Variants in PTPRD observed in about 807,000 individuals in gnomAD.
PTPRD encodes the protein protein tyrosine phosphatase receptor type D.
PTPRD carries 34 observed loss-of-function variants against 214.5 expected under a neutral mutation model. The ratio of observed to expected loss-of-function variants is 0.16; its 90% confidence interval spans 0.12 to 0.21. The LOEUF is 0.21. Among genes scored for constraint, PTPRD ranks in the 10% least tolerant of loss-of-function variants. The probability of loss-of-function intolerance (pLI) is 1.00; values close to 1 mark genes in which losing one functional copy is unlikely to be tolerated. For missense variants in PTPRD, 2,545 were observed against 2,398.7 expected (o/e 1.06, Z -1.27); for synonymous variants, 1,128 against 845.7 (o/e 1.33, Z -5.79).
At chr9:10,350,331 C>G (rs1488022523) in intron 2 of PTPRD, among the ~76,000 whole-genome samples, 1 of 151,980 alleles carries the variant, frequency 6.6e-6, no homozygotes, top group East Asian at 1.9e-4. Flanking sequence ...AATAGTCATT[C>G]TAAACAATTC....
At chr9:9,492,472 T>C (rs1347574012) in intron 8 of PTPRD, among the ~76,000 whole-genome samples, 1 of 152,076 alleles carries the variant, frequency 6.6e-6, no homozygotes, top group Admixed American at 6.6e-5. Flanking sequence ...AAACCAATGA[T>C]GTTTATTCCT....
chr9:9,649,628 A>G (rs1012427080), intron 7 of PTPRD, among the ~76,000 whole-genome samples: 1 of 152,246 alleles, frequency 6.6e-6, no homozygotes, highest in Non-Finnish European at 1.5e-5. Context: ...TATTTCTCAC[A>G]TCAACGATCA....
chr9:8,534,465 A>G (rs2076437426), intron 14 of PTPRD, among the ~76,000 whole-genome samples: 1 of 151,914 alleles, frequency 6.6e-6, no homozygotes, highest in East Asian at 1.9e-4. Flanking sequence ...GTCACTGGAT[A>G]TCTTACGGTT....
At chr9:10,493,414 G>A (rs2041011304) in intron 2 of PTPRD, among the ~76,000 whole-genome samples, 1 of 151,948 alleles carries the variant, frequency 6.6e-6, no homozygotes, top group Admixed American at 6.6e-5. Flanking sequence ...TAGACCAATG[G>A]AACAGAACAG....
intron 39 of PTPRD, among the ~76,000 whole-genome samples, chr9:8,367,826 C>A (rs1198005806): frequency 6.6e-6 from 1 of 152,062 alleles, no homozygotes; most frequent in African/African-American, 2.4e-5. Context: ...TTGTTGACTT[C>A]TTTCTATGTA....
intron 3 of PTPRD, among the ~76,000 whole-genome samples, chr9:10,214,997 C>T (rs376822980): frequency 6.6e-6 from 1 of 152,030 alleles, no homozygotes; most frequent in Admixed American, 6.6e-5. Context: ...ATATTTCGGA[C>T]AGGTGGAATC....
intron 3 of PTPRD, among the ~76,000 whole-genome samples, chr9:10,101,410 G>A (rs367843647): frequency 5.3e-5 from 8 of 151,776 alleles, no homozygotes; most frequent in South Asian, 2.1e-4. Flanking sequence ...CTAGGATGTA[G>A]TATCAGGTAA....
intron 9 of PTPRD, among the ~76,000 whole-genome samples, chr9:9,276,066 G>C (rs1469225518): frequency 6.6e-6 from 1 of 151,324 alleles, no homozygotes; most frequent in Non-Finnish European, 1.5e-5. Flanking sequence ...TTATAGCTCA[G>C]CTAAATGTCC....
intron 8 of PTPRD, among the ~76,000 whole-genome samples, chr9:9,507,400 T>C (rs1013766279): frequency 1.3e-5 from 2 of 151,086 alleles, no homozygotes; most frequent in Non-Finnish European, 3.0e-5. Flanking sequence ...TTGTATACAA[T>C]AAAAATGTAA....
chr9:8,906,561 A>C (rs534166703), intron 11 of PTPRD, among the ~76,000 whole-genome samples: 2 of 152,320 alleles, frequency 1.3e-5, no homozygotes, highest in South Asian at 4.1e-4. Flanking sequence ...TTAAGACATC[A>C]TCCTATACAA....
chr9:9,550,154 G>C (rs2079837784), intron 8 of PTPRD, among the ~76,000 whole-genome samples: 1 of 151,814 alleles, frequency 6.6e-6, no homozygotes, highest in African/African-American at 2.4e-5. Flanking sequence ...TAAGAGAAAA[G>C]ACTTAGGTTT....
At position 8,836,116 on chromosome 9, in the gene PTPRD, G is replaced by A. The variant is rs576525310; in HGVS notation, c.-103-102170C>T. On this transcript the variant is annotated intron_variant, in intron 11 of 45. Transcript: ENST00000381196. ...CACTTTTTATGTCCTAGAGTTTTGC[G>A]TTTTATGTGCTGCTGTATGCTCTAT... Among the ~76,000 whole-genome samples, 11 of 152,206 alleles carry A rather than the reference G, an allele frequency of 7.2e-5. No homozygotes were observed. In the South Asian group the frequency reaches 8.3e-4, roughly 11 times the overall value.
chr9:9,669,538 T>C (rs2096786374), intron 7 of PTPRD, among the ~76,000 whole-genome samples: 2 of 152,184 alleles, frequency 1.3e-5, no homozygotes, highest in African/African-American at 4.8e-5. Flanking sequence ...TTGATACTTC[T>C]TATGTGTGAG....
chr9:9,587,335 C>A (rs539554639), intron 7 of PTPRD, among the ~76,000 whole-genome samples: 2 of 152,100 alleles, frequency 1.3e-5, no homozygotes, highest in Admixed American at 1.3e-4. Flanking sequence ...ATCCTCCTAA[C>A]AACTCTAAGT....
rs557415604 is a variant in PTPRD, at chr9:8,688,368, T to C, written c.64+45412A>G. ...GATCACAAGTTCAGGAGATCGAGAC[T>C]ATCCTAGCTAACATGGTGAAACCCC... is the stretch of plus-strand genomic sequence containing the variant. On this transcript the variant is annotated intron_variant, in intron 12 of 45. Coordinates refer to ENST00000381196, the MANE Select transcript of PTPRD (RefSeq NM_002839.4). 2.6e-3 allele frequency among the ~76,000 whole-genome samples: 397 copies of C among 151,982 alleles called. 1 individual carries two copies. Among genetic ancestry groups the C allele is most frequent in the Admixed American group, 5.1e-3 (78 of 15,270 alleles).
chr9:9,473,357 T>C (rs745501488), intron 8 of PTPRD, among the ~76,000 whole-genome samples: 1 of 152,216 alleles, frequency 6.6e-6, no homozygotes, highest in Non-Finnish European at 1.5e-5. Flanking sequence ...ATATAACACA[T>C]ACTTCTAGGC....
chr9:9,098,788 T>C (rs982103723), intron 10 of PTPRD, among the ~76,000 whole-genome samples: 1 of 152,186 alleles, frequency 6.6e-6, no homozygotes, highest in Admixed American at 6.6e-5. Context: ...TCATCATTTG[T>C]ATGTAATACA....
At chr9:9,096,106 GA>G (rs1385798292) in intron 10 of PTPRD, among the ~76,000 whole-genome samples, 1 of 152,146 alleles carries the variant, frequency 6.6e-6, no homozygotes, top group East Asian at 1.9e-4. Flanking sequence ...TAGGTCAAAG[GA>G]TACAAAGTAG....
chr9:9,953,764 T>G (rs936915653), intron 4 of PTPRD, among the ~76,000 whole-genome samples: 2 of 152,096 alleles, frequency 1.3e-5, no homozygotes, highest in Non-Finnish European at 2.9e-5. Flanking sequence ...GCAGGTACCA[T>G]CTGGCAATGC....
Sources: allele counts gnomAD v4.1 joint callset (sites outside exome capture counted in the v4.1 genomes callset), GRCh38; gene constraint gnomAD v4.1.1; transcripts MANE v1.5; gene names NCBI Gene and HGNC (gene_info 2026-07-23, HGNC 2026-07-21).